SLC27A1: variants seen among roughly 807,000 people sequenced by gnomAD.
The protein encoded by SLC27A1 is long-chain fatty acid transport protein 1.
SLC27A1 carries 61 observed loss-of-function variants against 62.2 expected under a neutral mutation model. That is an observed-to-expected ratio of 0.98 (90% CI 0.80 to 1.21). SLC27A1 has a LOEUF of 1.21. SLC27A1 is among the 50% of genes most tolerant of loss of function. The pLI is 0.00. For missense variants in SLC27A1, 903 were observed against 932.1 expected (o/e 0.97, Z 0.41); for synonymous variants, 435 against 408.6 (o/e 1.06, Z -0.78).
chr19:17,470,446 G>A, upstream of SLC27A1: 1 of 1,343,372 alleles, frequency 7.4e-7, no homozygotes, highest in Non-Finnish European at 9.6e-7. Flanking sequence ...CTGGGGGCGC[G>A]GCTCGCTGTA....
At chr19:17,482,926 G>A (rs2075193507) in intron 1 of SLC27A1, among the ~76,000 whole-genome samples, 1 of 152,218 alleles carries the variant, frequency 6.6e-6, no homozygotes, top group South Asian at 2.1e-4. Context: ...TGCTAGAGAT[G>A]CACAGATGCA....
At chr19:17,470,963 G>C (rs1336376313) in intron 1 of SLC27A1, among the ~76,000 whole-genome samples, 1 of 150,684 alleles carries the variant, frequency 6.6e-6, no homozygotes, top group African/African-American at 2.4e-5. Flanking sequence ...AAGGTGCTTC[G>C]GGCGTTGCAG....
At position 17,486,528 on chromosome 19, in the gene SLC27A1, A is replaced by G; in HGVS notation, c.168-35A>G. ...TCCCAGAGGCCAGGCGGGGCAGGGCACCAGTGACGCTGTCCCCTCCGTCCT... is the reference window on the plus strand; with the variant it reads ...TCCCAGAGGCCAGGCGGGGCAGGGCGCCAGTGACGCTGTCCCCTCCGTCCT... On this transcript the variant is annotated intron_variant, in intron 1 of 11. Transcript: ENST00000252595. The surrounding 1 kb of genome is among the most constrained non-coding windows in gnomAD (Gnocchi z 6.6). 1.3e-6 allele frequency: 2 copies of G among 1,534,310 alleles called. No individual in the cohort carries two copies. Among genetic ancestry groups the G allele is most frequent in the Non-Finnish European group, 1.7e-6 (2 of 1,145,860 alleles).
intron 6 of SLC27A1, chr19:17,495,695 A>C (rs1000857126): frequency 6.6e-6 from 1 of 152,214 alleles, no homozygotes; most frequent in Non-Finnish European, 1.5e-5. Flanking sequence ...CCCAAGTCTG[A>C]GAATGGAGGG....
intron 11 of SLC27A1, among the ~76,000 whole-genome samples, chr19:17,502,633 C>T (rs1032395433): frequency 1.3e-5 from 2 of 151,986 alleles, no homozygotes; most frequent in Admixed American, 6.6e-5. Context: ...GGATTACACA[C>T]ATGAGCCACT....
At chr19:17,483,477 T>C (rs61224332) in intron 1 of SLC27A1, among the ~76,000 whole-genome samples, 6,162 of 151,998 alleles carry the variant, frequency 0.041, 406 homozygotes, top group African/African-American at 0.14. Flanking sequence ...GGTAGGGAAG[T>C]ATTGTCACTA....
upstream of SLC27A1, among the ~76,000 whole-genome samples, chr19:17,469,526 A>AG (rs909093032): frequency 9.2e-5 from 14 of 151,590 alleles, no homozygotes; most frequent in South Asian, 2.1e-4. Context: ...CTAAAAGGAG[A>AG]GGGGGTGGGG....
chr19:17,480,541 C>CTTTTTTTTTTTTTT (rs3079223), intron 1 of SLC27A1, among the ~76,000 whole-genome samples: 7 of 111,774 alleles, frequency 6.3e-5, no homozygotes, highest in African/African-American at 1.0e-4. Flanking sequence ...TAATTTTTTT[C>CTTTTTTTTTTTTTT]TTTTTTTTTT....
intron 3 of SLC27A1, 55 bp from the exon 4 acceptor site, chr19:17,487,405 C>T: frequency 6.8e-7 from 1 of 1,460,794 alleles, no homozygotes; most frequent in East Asian, 2.5e-5. Context: ...CCCCAACTTC[C>T]AGGCCCCACC....
intron 1 of SLC27A1, among the ~76,000 whole-genome samples, chr19:17,477,240 CTTTTTTTT>C (rs1221324202): frequency 2.3e-5 from 1 of 43,808 alleles, no homozygotes; most frequent in Non-Finnish European, 4.0e-5. Flanking sequence ...ATGAGCAGCG[CTTTTTTTT>C]TTTTTTTTTT....
upstream of SLC27A1, among the ~76,000 whole-genome samples, chr19:17,469,660 C>G (rs1010801920): frequency 2.6e-5 from 4 of 152,016 alleles, no homozygotes; most frequent in Non-Finnish European, 5.9e-5. Flanking sequence ...GGAAGACGGC[C>G]GGCCTCGGCT....
At position 17,492,886 on chromosome 19, in the gene SLC27A1, G is replaced by A. The variant is rs185902939; in HGVS notation, c.996+3769G>A. ...CCGGGAGGTGGAAGTTGCAGTGAGA[G>A]CCGAGATTGTGCCATTGCACTCCAG... On this transcript the variant is annotated intron_variant, in intron 6 of 11. Transcript: ENST00000252595. Among the ~76,000 whole-genome samples the A allele has an allele frequency of 4.8e-4, 73 of 151,862 alleles. No individual in the cohort carries two copies. The East Asian group carries it at 0.013, about 27-fold the overall frequency.
At position 17,488,896 on chromosome 19, in the gene SLC27A1, G is replaced by A. The variant is rs533556644; in HGVS notation, c.843G>A (p.Ala281=). The A allele has an allele frequency of 9.9e-6, 16 of 1,613,998 alleles. No homozygotes were observed. Among genetic ancestry groups the A allele is most frequent in the African/African-American group, 1.3e-5 (1 of 74,920 alleles). Residue 281 remains alanine, a synonymous_variant, in exon 5 of 12, where the codon GCG becomes GCA. Transcript: ENST00000252595. ...GCCACCACGCCTACCGCATGCAGGC[G>A]GCTGACGTGCTCTATGACTGCCTGC... The part of the protein sequence containing the change: ...AFGHHAYRMQ[A]ADVLYDCLPL...
rs1031934814 is a variant in SLC27A1 at position 17,505,018 on chromosome 19, T to C, written c.*406T>C. ...AAGTGATCCTCCCACCTCAGCCTCC[T>C]GAGTAGCTGGGATTACAGGCACCCG... On this transcript the variant is annotated 3_prime_UTR_variant, in exon 12 of 12. Transcript: ENST00000252595. 2.7e-6 allele frequency: 1 copy of C among 366,504 alleles called. No individual in the cohort carries two copies. 22.7% of individuals were successfully genotyped at this position (366,504 alleles called of 1,614,324 possible). A position where few individuals can be genotyped will look rare whatever the true frequency, so the allele number is the denominator to read the frequency against.
chr19:17,501,117 G>A (rs576343854), intron 10 of SLC27A1, among the ~76,000 whole-genome samples, 156 bp from the exon 11 acceptor site: 1 of 152,332 alleles, frequency 6.6e-6, no homozygotes, highest in South Asian at 2.1e-4. Flanking sequence ...AGCCAAGCAG[G>A]AGCTCCACAA....
chr19:17,496,230 C>T (rs1342249584), intron 6 of SLC27A1: 1 of 152,282 alleles, frequency 6.6e-6, no homozygotes, highest in Non-Finnish European at 1.5e-5. Flanking sequence ...AATTCTGCCA[C>T]TTCCCAGCTC....
rs111957841 is a variant in SLC27A1, at chr19:17,501,186, C to G, written c.1637-87C>G. The G allele has an allele frequency of 8.0e-4, 1,235 of 1,535,032 alleles. 9 individuals are homozygous for G. The African/African-American group carries it at 0.012, about 15-fold the overall frequency. The stretch of plus-strand genomic sequence containing the variant: ...GTTGGGAGAGACTGGAGATTACAGA[C>G]CAGGGGCTACTGCTTGACAGTGTAT... On this transcript the variant is annotated intron_variant, in intron 10 of 11. Transcript: ENST00000252595.
intron 1 of SLC27A1, among the ~76,000 whole-genome samples, chr19:17,471,080 T>C (rs1323689556): frequency 7.3e-6 from 1 of 136,362 alleles, no homozygotes; most frequent in Non-Finnish European, 1.6e-5. Context: ...CGTGGCGGTG[T>C]GGGGGTCTTT....
rs1048837722 is a variant in SLC27A1 at position 17,500,956 on chromosome 19, C to G, written c.1636+80C>G. 3 of 1,430,792 alleles carry G rather than the reference C, an allele frequency of 2.1e-6. No individual in the cohort carries two copies. The East Asian group carries it at 7.3e-5, about 35-fold the overall frequency. The allele number at this position is 1,430,792 out of a possible 1,614,324, so 88.6% of individuals were successfully genotyped here. A position where few individuals can be genotyped will look rare whatever the true frequency, so the allele number is the denominator to read the frequency against. On this transcript the variant is annotated intron_variant, in intron 10 of 11. Transcript: ENST00000252595. ...CAAAAGGGGCTTAGAAGTACACATG[C>G]CTTTGGGCAGTGCACAACCTGGACA...
Sources: gnomAD v4.1 joint callset for allele counts (sites outside exome capture counted in the v4.1 genomes callset) on GRCh38, gnomAD v4.1.1 for gene constraint, Gnocchi (gnomAD v3.1) non-coding constraint, MANE v1.5 for transcripts, NCBI Gene and HGNC (gene_info 2026-07-23, HGNC 2026-07-21) for gene names.